Variants in TXNL4A observed in about 807,000 individuals in gnomAD.
TXNL4A encodes the protein thioredoxin-like protein 4A.
Under a neutral mutation model 14.6 loss-of-function variants are expected in TXNL4A, and 17 were observed. The ratio of observed to expected loss-of-function variants is 1.16; its 90% confidence interval spans 0.80 to 1.74. TXNL4A has a LOEUF of 1.74. Ranked by LOEUF, TXNL4A falls within the 40% of genes most tolerant of loss-of-function variation. The probability of loss-of-function intolerance (pLI) is 0.00; values close to 1 mark genes in which losing one functional copy is unlikely to be tolerated. For missense variants in TXNL4A, 74 were observed against 195.2 expected, an observed-to-expected ratio of 0.38 and a Z score of 3.70; for synonymous variants, 83 against 70.6, an observed-to-expected ratio of 1.18 and a Z score of -0.88.
chr18:80,001,212 G>T (rs1291735943), intron 1 of TXNL4A, among the ~76,000 whole-genome samples: 1 of 152,220 alleles, frequency 6.6e-6, no homozygotes, highest in African/African-American at 2.4e-5. Flanking sequence ...GCTTCCACGT[G>T]ATGTGGAGCC....
intron 1 of TXNL4A, among the ~76,000 whole-genome samples, chr18:80,023,073 G>A (rs1294507146): frequency 6.6e-6 from 1 of 152,160 alleles, no homozygotes; most frequent in African/African-American, 2.4e-5. Context: ...TGAAAAATTG[G>A]AATCCCACAG....
chr18:79,985,705 T>A (rs1463815100), intron 1 of TXNL4A: 2 of 152,308 alleles, frequency 1.3e-5, no homozygotes, highest in South Asian at 4.1e-4. Flanking sequence ...CAGCATGAAG[T>A]CAAGTGGGCC....
At chr18:79,996,390 A>C (rs2051662692) in intron 1 of TXNL4A, among the ~76,000 whole-genome samples, 1 of 152,184 alleles carries the variant, frequency 6.6e-6, no homozygotes, top group South Asian at 2.1e-4. Context: ...AAGAATTAAC[A>C]TGGTGGCTGT....
chr18:79,994,643 T>A (rs949794270), intron 1 of TXNL4A, among the ~76,000 whole-genome samples: 1 of 151,288 alleles, frequency 6.6e-6, no homozygotes, highest in Non-Finnish European at 1.5e-5. Context: ...AAAGAAATCC[T>A]CCCAGGGGAA....
At chr18:79,980,562 AT>A (rs1175382660) in intron 1 of TXNL4A, among the ~76,000 whole-genome samples, 3 of 151,888 alleles carry the variant, frequency 2.0e-5, no homozygotes, top group African/African-American at 7.3e-5. Context: ...TTTGGGAAAT[AT>A]TTTTTAAAAA....
intron 1 of TXNL4A, among the ~76,000 whole-genome samples, chr18:80,001,159 C>T (rs1429133055): frequency 6.6e-6 from 1 of 152,222 alleles, no homozygotes; most frequent in East Asian, 1.9e-4. Flanking sequence ...CAAGGTATAG[C>T]TTGGGTTGTG....
intron 1 of TXNL4A, among the ~76,000 whole-genome samples, chr18:79,985,324 C>T (rs1175922237): frequency 6.6e-6 from 1 of 152,132 alleles, no homozygotes; most frequent in Non-Finnish European, 1.5e-5. Flanking sequence ...GGCGCGATCA[C>T]GGCTTGTCAC....
chr18:80,006,111 T>C (rs1568376264), intron 1 of TXNL4A, among the ~76,000 whole-genome samples: 1 of 150,734 alleles, frequency 6.6e-6, no homozygotes, highest in Non-Finnish European at 1.5e-5. Flanking sequence ...CAAGGCCAGG[T>C]GTGGTGGCTC....
chr18:79,992,112 G>T (rs1000820240), upstream of TXNL4A, among the ~76,000 whole-genome samples: 2 of 152,240 alleles, frequency 1.3e-5, no homozygotes, highest in Non-Finnish European at 2.9e-5. Flanking sequence ...GAGACAGTCA[G>T]CTGTGCATCT....
chr18:80,000,354 C>A (rs905833918), intron 1 of TXNL4A, among the ~76,000 whole-genome samples: 7 of 152,188 alleles, frequency 4.6e-5, no homozygotes, highest in African/African-American at 1.4e-4. Flanking sequence ...ATAAAGGTGA[C>A]TCTTGCTATG....
intron 1 of TXNL4A, among the ~76,000 whole-genome samples, chr18:79,998,003 G>C (rs1257920387): frequency 6.6e-6 from 1 of 152,194 alleles, no homozygotes; most frequent in Non-Finnish European, 1.5e-5. Flanking sequence ...GTAGAAACTG[G>C]ATACCAGTGG....
chr18:80,030,490 A>G (rs1037984563), intron 1 of TXNL4A: 2 of 152,194 alleles, frequency 1.3e-5, no homozygotes, highest in South Asian at 2.1e-4. Flanking sequence ...GACAAATTAC[A>G]TAAGAACACC....
chr18:80,001,107 G>A (rs1425205814), intron 1 of TXNL4A, among the ~76,000 whole-genome samples: 2 of 152,338 alleles, frequency 1.3e-5, no homozygotes, highest in Admixed American at 1.3e-4. Flanking sequence ...TAAGGACTTG[G>A]TGCCCTGTGT....
intron 1 of TXNL4A, among the ~76,000 whole-genome samples, chr18:80,012,150 T>TCTGA (rs2051774293): frequency 6.6e-6 from 1 of 152,114 alleles, no homozygotes; most frequent in Non-Finnish European, 1.5e-5. Flanking sequence ...CCCCAATAAT[T>TCTGA]TTGATAGAAA....
At chr18:80,028,642 T>C (rs745916652) in intron 1 of TXNL4A, among the ~76,000 whole-genome samples, 29 of 152,228 alleles carry the variant, frequency 1.9e-4, no homozygotes, top group Middle Eastern at 3.4e-3. Flanking sequence ...TTATCAGAGG[T>C]AATTAAAGCC....
intron 1 of TXNL4A, among the ~76,000 whole-genome samples, chr18:80,015,206 C>A (rs903267686): frequency 6.6e-6 from 1 of 151,690 alleles, no homozygotes; most frequent in Non-Finnish European, 1.5e-5. Flanking sequence ...ACATTTGGCT[C>A]CTTGTTACTT....
In TXNL4A at chr18:80,011,851, A is replaced by G. The variant is rs904908864; in HGVS notation, c.-61+22000T>C. Among the ~76,000 whole-genome samples the G allele has an allele frequency of 6.6e-6, 1 of 151,990 alleles. No homozygotes were observed. Among genetic ancestry groups the G allele is most frequent in the Non-Finnish European group, 1.5e-5 (1 of 68,016 alleles). On this transcript the variant is annotated intron_variant, in intron 1 of 2. Coordinates refer to the TXNL4A transcript ENST00000585474. The surrounding 1 kb of genome is among the most constrained non-coding windows in gnomAD (Gnocchi z 4.1). The stretch of plus-strand genomic sequence containing the variant: ...TAAAGTTTGGATGAAGACATTTTTT[A>G]AAGATCTTAAGTAGTTTAGACACAC...
At chr18:80,033,620 T>C (rs1463886497) in intron 1 of TXNL4A, among the ~76,000 whole-genome samples, 1 of 152,256 alleles carries the variant, frequency 6.6e-6, no homozygotes, top group Non-Finnish European at 1.5e-5. Context: ...CAGGCTTCGA[T>C]GCCTTCGTTG....
chr18:79,984,987 A>G (rs1372406553), intron 1 of TXNL4A, among the ~76,000 whole-genome samples: 1 of 152,220 alleles, frequency 6.6e-6, no homozygotes, highest in Non-Finnish European at 1.5e-5. Flanking sequence ...TCAAAGGCAC[A>G]TGAAATTGTC....
Sources: gnomAD v4.1 joint callset for allele counts (sites outside exome capture counted in the v4.1 genomes callset) on GRCh38, gnomAD v4.1.1 for gene constraint, Gnocchi (gnomAD v3.1) non-coding constraint, MANE v1.5 for transcripts, NCBI Gene and HGNC (gene_info 2026-07-23, HGNC 2026-07-21) for gene names.